The following BZW1 variants were observed in gnomAD, a reference collection of about 807,000 sequenced individuals.
BZW1 encodes the protein eIF5-mimic protein 2.
Under a neutral mutation model 54.1 loss-of-function variants are expected in BZW1, and 3 were observed. The ratio of observed to expected loss-of-function variants is 0.06; its 90% CI spans 0.03 to 0.14. The LOEUF is 0.14. Ranked by LOEUF, BZW1 falls within the 10% of genes least tolerant of loss-of-function variation. The probability of loss-of-function intolerance (pLI) is 1.00; values close to 1 mark genes in which losing one functional copy is unlikely to be tolerated. For synonymous variants in BZW1, 152 were observed against 162.7 expected, an observed-to-expected ratio of 0.93 and a Z score of 0.50; for missense variants, 206 against 491.7, an observed-to-expected ratio of 0.42 and a Z score of 5.50.
intron 2 of BZW1, chr2:200,813,487 A>C: frequency 2.0e-6 from 1 of 490,012 alleles, no homozygotes; most frequent in Non-Finnish European, 3.6e-6. Context: ...GTATCAATAT[A>C]TCTCTAAGCC....
At chr2:200,819,042 C>T (rs571022187) in intron 9 of BZW1, 141 bp downstream of exon 9, 3 of 960,420 alleles carry the variant, frequency 3.1e-6, no homozygotes, top group South Asian at 1.9e-5. Context: ...CAAATAGTAA[C>T]ATTAGCTATT....
At position 200,818,002 on chromosome 2, in the gene BZW1, C is replaced by T; in HGVS notation, c.567C>T (p.Leu189=). 1 of 1,552,068 alleles carries T rather than the reference C, an allele frequency of 6.4e-7. No individual in the cohort carries two copies. The highest frequency in any genetic ancestry group is 8.7e-7 in the Non-Finnish European group (1 of 1,146,620). ...EGVSAAFAVK[L]FKSWINEKDI... Reference sequence around the variant, plus strand: ...TTTCAGCAGCTTTTGCTGTGAAGCTCTTTAAATCATGGATAAATGAAAAAG... The same window carrying T: ...TTTCAGCAGCTTTTGCTGTGAAGCTTTTTAAATCATGGATAAATGAAAAAG... The change falls in exon 7 of 12, where the codon CTC becomes CTT. Residue 189 remains leucine, a synonymous_variant. Transcript: ENST00000409600.
At chr2:200,821,358 C>A (rs1445418144) in intron 11 of BZW1, 53 bp downstream of exon 11, 4 of 1,595,086 alleles carry the variant, frequency 2.5e-6, no homozygotes, top group Non-Finnish European at 3.4e-6. Context: ...TTAATGTGGC[C>A]ATAATATATC....
chr2:200,812,514 G>C (rs1021984021), intron 1 of BZW1: 3 of 1,379,256 alleles, frequency 2.2e-6, no homozygotes, highest in African/African-American at 2.9e-5. Context: ...AAAGAGCCGC[G>C]GGACCCTACG....
At chr2:200,812,440 C>A in intron 1 of BZW1, 2 of 1,301,994 alleles carry the variant, frequency 1.5e-6, no homozygotes, top group Non-Finnish European at 9.8e-7. Flanking sequence ...CGGCGCAAAG[C>A]GCCTCAGTGA....
rs1320864406 is a variant in BZW1, at chr2:200,816,404, T to C, written c.402+14T>C. ...GAAGTAAAAAAGGTATGAGTAATAA[T>C]GTACTTTGTGGAAAAGAAAAAAATA... On this transcript the variant is annotated intron_variant, in intron 5 of 11. Transcript: ENST00000409600. The C allele has an allele frequency of 2.0e-6, 3 of 1,532,116 alleles. No homozygotes were observed. Among genetic ancestry groups the C allele is most frequent in the African/African-American group, 2.7e-5 (2 of 73,214 alleles). The allele number at this position is 1,532,116 out of a possible 1,614,324, so 94.9% of individuals were successfully genotyped here. A position where few individuals can be genotyped will look rare whatever the true frequency, so the allele number is the denominator to read the frequency against.
At chr2:200,812,176 G>T in intron 1 of BZW1, 186 bp downstream of exon 1, 1 of 1,193,908 alleles carries the variant, frequency 8.4e-7, no homozygotes, top group Non-Finnish European at 1.0e-6. Flanking sequence ...CCGAGGGGTA[G>T]CGGCGGCCCG....
chr2:200,815,806 T>G lies in BZW1; in HGVS notation c.336+45T>G, dbSNP rs1053399319. ...ATTGTTTTCAGTTGGCTACTATCCA[T>G]GTGGTATATTTGAGGAATATTCTAC... On this transcript the variant is annotated intron_variant, in intron 4 of 11. Transcript: ENST00000409600. 13 of 1,435,468 alleles carry G rather than the reference T, an allele frequency of 9.1e-6. No homozygotes were observed. In the African/African-American group the frequency reaches 1.6e-4, roughly 18 times the overall value. 88.9% of individuals were successfully genotyped at this position (1,435,468 alleles called of 1,614,324 possible).
At chr2:200,813,079 A>C in intron 1 of BZW1, 129 bp from the exon 2 acceptor site, 1 of 758,794 alleles carries the variant, frequency 1.3e-6, no homozygotes, top group Non-Finnish European at 2.3e-6. Flanking sequence ...ATCGGGTATA[A>C]TTGCCAGCTT....
chr2:200,812,090 A>G, intron 1 of BZW1, 100 bp downstream of exon 1: 1 of 568,642 alleles, frequency 1.8e-6, no homozygotes, highest in Non-Finnish European at 2.6e-6. Context: ...CCCGGCTTGG[A>G]TGGGCCCGAA....
intron 10 of BZW1, among the ~76,000 whole-genome samples, chr2:200,820,636 T>G (rs2038474828): frequency 6.6e-6 from 1 of 152,106 alleles, no homozygotes; most frequent in Non-Finnish European, 1.5e-5. Flanking sequence ...GAACCATGAT[T>G]GTGCCACTGC....
rs1199044788 is a variant in BZW1 at position 200,826,534 on chromosome 2, C to T, written c.*4356C>T. ...CCGCCTTGGGGGTTCACACCATTCT[C>T]CTGTCTCAGCCTCCTAGCTGGGATT... is the stretch of plus-strand genomic sequence containing the variant. On this transcript the variant is annotated 3_prime_UTR_variant, in exon 12 of 12. Transcript: ENST00000409600. The T allele has an allele frequency of 6.7e-6, 1 of 148,548 alleles. No individual in the cohort carries two copies. Among genetic ancestry groups the T allele is most frequent in the Non-Finnish European group, 1.5e-5 (1 of 67,558 alleles). 9.2% of individuals were successfully genotyped at this position (148,548 alleles called of 1,614,324 possible).
chr2:200,816,231 A>G, intron 4 of BZW1, 94 bp from the exon 5 acceptor site: 2 of 826,038 alleles, frequency 2.4e-6, no homozygotes, highest in Non-Finnish European at 3.7e-6. Context: ...AAGCTGGTTT[A>G]AGCAGCTCAT....
chr2:200,819,811 C>G (rs556506132), intron 9 of BZW1, among the ~76,000 whole-genome samples, 171 bp from the exon 10 acceptor site: 2 of 152,192 alleles, frequency 1.3e-5, no homozygotes, highest in Non-Finnish European at 2.9e-5. Context: ...GCTGGGATTA[C>G]AGACGTGAGC....
At chr2:200,817,670 T>C (rs1195785899) in intron 6 of BZW1, among the ~76,000 whole-genome samples, 1 of 151,900 alleles carries the variant, frequency 6.6e-6, no homozygotes, top group Non-Finnish European at 1.5e-5. Flanking sequence ...CTGCTTGCAG[T>C]AGTGAGTATT....
chr2:200,821,494 A>G (rs374562074), intron 11 of BZW1, among the ~76,000 whole-genome samples, 189 bp downstream of exon 11: 6 of 152,206 alleles, frequency 3.9e-5, no homozygotes, highest in East Asian at 3.9e-4. Context: ...ATAATAGTAA[A>G]TGTTCTTCAT....
At chr2:200,813,083 C>T in intron 1 of BZW1, 125 bp from the exon 2 acceptor site, 1 of 779,362 alleles carries the variant, frequency 1.3e-6, no homozygotes, top group Non-Finnish European at 2.2e-6. Flanking sequence ...GGTATAATTG[C>T]CAGCTTTATA....
In BZW1 at chr2:200,827,215, C is replaced by G. The variant is rs896429138; in HGVS notation, c.*5037C>G. Reference sequence around the variant, plus strand: ...TTGGCACTCTAAAAAACCTCAAATACAGCCATCCAAGCCAGTAATTCTATT... The same window carrying G: ...TTGGCACTCTAAAAAACCTCAAATAGAGCCATCCAAGCCAGTAATTCTATT... On this transcript the variant is annotated 3_prime_UTR_variant, in exon 12 of 12. Coordinates refer to ENST00000409600, the MANE Select transcript of BZW1 (RefSeq NM_001207067.2). 6.6e-6 allele frequency: 1 copy of G among 152,158 alleles called. No homozygotes were observed. The highest frequency in any genetic ancestry group is 2.4e-5 in the African/African-American group (1 of 41,444). The allele number at this position is 152,158 out of a possible 1,614,324, so 9.4% of individuals were successfully genotyped here.
At chr2:200,819,180 T>C in intron 9 of BZW1, 1 of 359,424 alleles carries the variant, frequency 2.8e-6, no homozygotes, top group Non-Finnish European at 5.0e-6. Context: ...TTGCTTGAGC[T>C]CAGTTTAAGA....
Sources: allele counts gnomAD v4.1 joint callset (sites outside exome capture counted in the v4.1 genomes callset), GRCh38; gene constraint gnomAD v4.1.1; transcripts MANE v1.5; gene names NCBI Gene and HGNC (gene_info 2026-07-23, HGNC 2026-07-21).